Variants in DUS4L observed in about 807,000 individuals in gnomAD.
DUS4L encodes the protein dihydrouridine synthase 4 like.
Under a neutral mutation model 33.8 loss-of-function variants are expected in DUS4L, and 31 were observed. That is an observed-to-expected ratio of 0.92 (90% confidence interval 0.69 to 1.24). The LOEUF (loss-of-function observed/expected upper bound fraction) is 1.24, where lower values mean the gene tolerates loss of function less well. Among genes scored for constraint, DUS4L ranks in the 50% most tolerant of loss-of-function variants. The pLI is 0.00. For synonymous variants in DUS4L, 103 were observed against 120.3 expected, an observed-to-expected ratio of 0.86 and a Z score of 0.94; for missense variants, 368 against 388.6, an observed-to-expected ratio of 0.95 and a Z score of 0.45.
chr7:107,567,947 G>A (rs115116464), intron 3 of DUS4L: 2 of 219,376 alleles, frequency 9.1e-6, no homozygotes, highest in Non-Finnish European at 1.9e-5. Flanking sequence ...CATCCTCAAG[G>A]TTCATTCATG....
intron 6 of DUS4L, 71 bp downstream of exon 6, chr7:107,575,381 C>T (rs1437144838): frequency 1.3e-6 from 2 of 1,544,724 alleles, no homozygotes; most frequent in East Asian, 2.3e-5. Context: ...TTGCTTTTGT[C>T]TGATGCTGTT....
intron 4 of DUS4L, among the ~76,000 whole-genome samples, chr7:107,572,842 C>CAA (rs769843752): frequency 1.1e-3 from 112 of 106,560 alleles, no homozygotes; most frequent in African/African-American, 3.5e-3. Context: ...GACTCTGTCT[C>CAA]AAAAAAAAAA....
At chr7:107,565,756 C>T (rs1228133420) in intron 2 of DUS4L, among the ~76,000 whole-genome samples, 1 of 152,130 alleles carries the variant, frequency 6.6e-6, no homozygotes, top group Non-Finnish European at 1.5e-5. Context: ...AACTCCTGGC[C>T]TTAAGCAAGC....
chr7:107,577,075 T>G, intron 7 of DUS4L: 1 of 486,992 alleles, frequency 2.1e-6, no homozygotes. Flanking sequence ...AGACTAATGG[T>G]TTAATGTAGA....
intron 6 of DUS4L, chr7:107,575,866 A>AT (rs1805679406): frequency 6.2e-6 from 1 of 160,268 alleles, no homozygotes; most frequent in South Asian, 1.8e-4. Context: ...TAATTTTTGT[A>AT]TTTTTTAGTA....
At chr7:107,573,889 A>G (rs1428928315) in intron 5 of DUS4L, 68 bp downstream of exon 5, 1 of 1,410,804 alleles carries the variant, frequency 7.1e-7, no homozygotes, top group East Asian at 2.6e-5. Flanking sequence ...ACATGGTAAA[A>G]TATCTTTCTA....
chr7:107,569,475 C>T lies in DUS4L; in HGVS notation c.117-1670C>T, dbSNP rs115006724. ...ACCTTGTCTATCTCTGCAAAAAACCCTGCTGGAATTTTCATAAGAACTGTG... is the reference window on the plus strand; with the variant it reads ...ACCTTGTCTATCTCTGCAAAAAACCTTGCTGGAATTTTCATAAGAACTGTG... On this transcript the variant is annotated intron_variant, in intron 3 of 7. Coordinates refer to ENST00000265720, the MANE Select transcript of DUS4L (RefSeq NM_181581.3). Among the ~76,000 whole-genome samples, 1,043 of 152,290 alleles carry T rather than the reference C, an allele frequency of 6.8e-3. 15 individuals are homozygous for T. Among genetic ancestry groups the T allele is most frequent in the African/African-American group, 0.024 (996 of 41,568 alleles).
intron 3 of DUS4L, among the ~76,000 whole-genome samples, chr7:107,569,237 C>A (rs1012592015): frequency 3.3e-5 from 5 of 152,168 alleles, no homozygotes; most frequent in Non-Finnish European, 7.3e-5. Flanking sequence ...GGCTATCTCT[C>A]CGCTAATTCT....
intron 1 of DUS4L, 188 bp from the exon 2 acceptor site, chr7:107,564,400 T>A (rs1563106278): frequency 1.5e-5 from 3 of 196,834 alleles, no homozygotes; most frequent in Non-Finnish European, 3.2e-5. Context: ...TTGGCACTCC[T>A]GGGGTAATAA....
chr7:107,565,682 C>T (rs1416733348), intron 2 of DUS4L, among the ~76,000 whole-genome samples: 3 of 152,038 alleles, frequency 2.0e-5, no homozygotes, highest in Admixed American at 2.0e-4. Flanking sequence ...TGCTACCACG[C>T]CCAGCTGATT....
chr7:107,574,384 G>A (rs1805541150), intron 5 of DUS4L, among the ~76,000 whole-genome samples: 1 of 149,438 alleles, frequency 6.7e-6, no homozygotes, highest in Non-Finnish European at 1.5e-5. Context: ...AGTTTCCCGG[G>A]TTGGAGTGCA....
At position 107,564,168 on chromosome 7, in the gene DUS4L, C is replaced by T; in HGVS notation, c.-152C>T. The T allele has an allele frequency of 1.5e-6, 1 of 655,984 alleles. No homozygotes were observed. Among genetic ancestry groups the T allele is most frequent in the Non-Finnish European group, 2.6e-6 (1 of 387,286 alleles). 40.6% of individuals were successfully genotyped at this position (655,984 alleles called of 1,614,324 possible). On this transcript the variant is annotated 5_prime_UTR_variant, in exon 1 of 8. Transcript: ENST00000265720. ...AGCTGTCTCTCGCAGCAGCTCAGGG[C>T]CGCGCCCCCTGGGCTGGCGTCGTGC...
chr7:107,574,614 A>G (rs2129196499), intron 5 of DUS4L, among the ~76,000 whole-genome samples: 2 of 152,352 alleles, frequency 1.3e-5, no homozygotes, highest in East Asian at 3.9e-4. Context: ...CTGGGATTAC[A>G]GGCCTGAGCC....
At chr7:107,572,521 A>G (rs11761775) in intron 4 of DUS4L, among the ~76,000 whole-genome samples, 53,914 of 152,046 alleles carry the variant, frequency 0.35, 11,700 homozygotes, top group South Asian at 0.64. Flanking sequence ...GTTCTTTAAA[A>G]CCTAGGAAGC....
chr7:107,573,622 C>A, intron 4 of DUS4L, 82 bp from the exon 5 acceptor site: 1 of 1,351,180 alleles, frequency 7.4e-7, no homozygotes, highest in Admixed American at 2.5e-5. Flanking sequence ...CTATTTTATC[C>A]TGTACAAACA....
intron 4 of DUS4L, among the ~76,000 whole-genome samples, chr7:107,571,657 A>T (rs1038274338): frequency 3.9e-5 from 6 of 152,220 alleles, no homozygotes; most frequent in Admixed American, 1.3e-4. Flanking sequence ...CTTGTTAGAA[A>T]TGGAGATTTA....
intron 6 of DUS4L, 56 bp downstream of exon 6, chr7:107,575,366 GATT>G: frequency 1.3e-6 from 2 of 1,576,264 alleles, no homozygotes; most frequent in Non-Finnish European, 1.7e-6. Flanking sequence ...GGAAATGAAA[GATT>G]ATTGCTTTTG....
chr7:107,576,346 A>C lies in DUS4L; in HGVS notation c.480-20A>C. 1 of 1,596,518 alleles carries C rather than the reference A, an allele frequency of 6.3e-7. No homozygotes were observed. Among genetic ancestry groups the C allele is most frequent in the East Asian group, 2.2e-5 (1 of 44,770 alleles). ...AGATTTGTGTGCTGTGAACAGATAA[A>C]TGTAATTTTGAAATTGTAGGATCCA... On this transcript the variant is annotated intron_variant, in intron 6 of 7. Coordinates refer to ENST00000265720, the MANE Select transcript of DUS4L (RefSeq NM_181581.3).
Position 107,564,120 on chromosome 7 carries a change from A to G in DUS4L, c.-200A>G. The G allele has an allele frequency of 1.9e-6, 2 of 1,046,656 alleles. No homozygotes were observed. Among genetic ancestry groups the G allele is most frequent in the Non-Finnish European group, 2.8e-6 (2 of 722,702 alleles). The allele number at this position is 1,046,656 out of a possible 1,614,324, so 64.8% of individuals were successfully genotyped here. A position where few individuals can be genotyped will look rare whatever the true frequency, so the allele number is the denominator to read the frequency against. ...CTGCGCCCAGCGCACCGAGGGAGCC[A>G]AGGCCGTCGGGCCGGCGCTTTCAGC... On this transcript the variant is annotated 5_prime_UTR_variant, in exon 1 of 8. Coordinates refer to ENST00000265720, the MANE Select transcript of DUS4L (RefSeq NM_181581.3).
Sources: allele counts gnomAD v4.1 joint callset (sites outside exome capture counted in the v4.1 genomes callset), GRCh38; gene constraint gnomAD v4.1.1; transcripts MANE v1.5; gene names NCBI Gene and HGNC (gene_info 2026-07-23, HGNC 2026-07-21).